Variants in WDR7 observed in about 807,000 individuals in gnomAD.
The protein encoded by WDR7 is WD repeat-containing protein 7.
A neutral mutation model predicts 169.4 loss-of-function variants in WDR7; 46 were observed. The ratio of observed to expected loss-of-function variants is 0.27; its 90% CI spans 0.21 to 0.35. The LOEUF (loss-of-function observed/expected upper bound fraction) is 0.35, where lower values mean the gene tolerates loss of function less well. Ranked by LOEUF, WDR7 falls within the 10% of genes least tolerant of loss-of-function variation. WDR7 has a pLI of 1.00. For synonymous variants in WDR7, 612 were observed against 666.8 expected (o/e 0.92, Z 1.27); for missense variants, 1,534 against 1,859.3 (o/e 0.83, Z 3.22).
chr18:56,768,235 C>T (rs376072605), intron 16 of WDR7, among the ~76,000 whole-genome samples: 102 of 152,114 alleles, frequency 6.7e-4, no homozygotes, highest in East Asian at 1.7e-3. Context: ...GCAGTGAAGG[C>T]GGCTTTGAAA....
chr18:57,036,164 TTTCCCCCA>T, the WDR7 span: 1 of 152,290 alleles, frequency 6.6e-6, no homozygotes, highest in Non-Finnish European at 1.5e-5. Flanking sequence ...TTCTGTTATG[TTTCCCCCA>T]GAATCCTGGA....
intron 12 of WDR7, among the ~76,000 whole-genome samples, chr18:56,707,933 A>G (rs1456895470): frequency 6.6e-6 from 1 of 152,136 alleles, no homozygotes; most frequent in African/African-American, 2.4e-5. Flanking sequence ...AGTTAGAAAA[A>G]TGAGGACAGT....
At chr18:57,022,378 T>C (rs1205882152) in intron 27 of WDR7, among the ~76,000 whole-genome samples, 1 of 152,242 alleles carries the variant, frequency 6.6e-6, no homozygotes, top group African/African-American at 2.4e-5. Flanking sequence ...TTATTGGATG[T>C]CTGAGTGGTA....
intron 21 of WDR7, among the ~76,000 whole-genome samples, chr18:56,912,783 C>T (rs999550297): frequency 6.6e-6 from 1 of 152,282 alleles, no homozygotes; most frequent in Admixed American, 6.5e-5. Context: ...GCTTTTCAAC[C>T]TGTAAAAGTT....
intron 20 of WDR7, among the ~76,000 whole-genome samples, chr18:56,862,460 A>C (rs2045821033): frequency 6.6e-6 from 1 of 151,512 alleles, no homozygotes; most frequent in Admixed American, 6.6e-5. Flanking sequence ...CATTTTAAGA[A>C]ATTTTTCTTA....
chr18:56,929,844 A>G (rs2046856554), intron 22 of WDR7, among the ~76,000 whole-genome samples: 2 of 152,202 alleles, frequency 1.3e-5, no homozygotes, highest in African/African-American at 4.8e-5. Context: ...TGCATTCATA[A>G]TTTTGTTAGA....
chr18:56,685,410 A>G (rs2025424246), intron 5 of WDR7, among the ~76,000 whole-genome samples: 1 of 152,170 alleles, frequency 6.6e-6, no homozygotes, highest in South Asian at 2.1e-4. Context: ...ACTGCTTTCC[A>G]ATGCTCATCC....
intron 14 of WDR7, among the ~76,000 whole-genome samples, chr18:56,739,463 A>T (rs1340416130): frequency 6.6e-6 from 1 of 152,086 alleles, no homozygotes; most frequent in African/African-American, 2.4e-5. Context: ...ATATACTTTA[A>T]ATTCCACTAG....
chr18:56,905,568 C>A (rs899700078), intron 21 of WDR7, among the ~76,000 whole-genome samples: 2 of 151,608 alleles, frequency 1.3e-5, no homozygotes, highest in Admixed American at 6.6e-5. Context: ...CAAGGAAAAT[C>A]TTTTATATTT....
chr18:56,773,020 G>A (rs997100525), intron 16 of WDR7, among the ~76,000 whole-genome samples: 3 of 152,104 alleles, frequency 2.0e-5, no homozygotes, highest in African/African-American at 4.8e-5. Flanking sequence ...ACTGTTTGAC[G>A]TATTAAAACT....
At chr18:56,656,249 C>T (rs575706200) in intron 1 of WDR7, among the ~76,000 whole-genome samples, 4 of 150,046 alleles carry the variant, frequency 2.7e-5, no homozygotes, top group Admixed American at 6.6e-5. Flanking sequence ...TTCTTTGCAT[C>T]GTCTTCCACT....
intron 20 of WDR7, among the ~76,000 whole-genome samples, chr18:56,817,356 A>G (rs1205248660): frequency 1.3e-5 from 2 of 151,940 alleles, no homozygotes; most frequent in Non-Finnish European, 2.9e-5. Flanking sequence ...AAAAAAAAAA[A>G]AAAGAAAAAT....
At chr18:56,855,251 T>C (rs183186423) in intron 20 of WDR7, among the ~76,000 whole-genome samples, 79 of 151,898 alleles carry the variant, frequency 5.2e-4, no homozygotes, top group Non-Finnish European at 1.1e-3. Context: ...TTTCCCCCCA[T>C]TGGATGGTCT....
At chr18:56,867,710 T>C (rs2045901582) in intron 20 of WDR7, among the ~76,000 whole-genome samples, 1 of 152,194 alleles carries the variant, frequency 6.6e-6, no homozygotes, top group Non-Finnish European at 1.5e-5. Context: ...TCAGGAGTAG[T>C]AGCATTTCCA....
chr18:57,022,087 T>C (rs9958553), intron 27 of WDR7, among the ~76,000 whole-genome samples: 48,867 of 152,112 alleles, frequency 0.32, 8,248 homozygotes, highest in Middle Eastern at 0.38. Context: ...ATCAGAGATC[T>C]CACCCAGCCC....
At position 56,694,613 on chromosome 18, in the gene WDR7, TGGCAG is replaced by T. The variant is rs1484226287; in HGVS notation, c.967-5_967-1del. The T allele has an allele frequency of 1.2e-6, 2 of 1,602,902 alleles. No homozygotes were observed. Among genetic ancestry groups the T allele is most frequent in the Admixed American group, 1.7e-5 (1 of 59,030 alleles). On this transcript the variant is annotated splice_acceptor_variant and splice_polypyrimidine_tract_variant and intron_variant, in intron 9 of 27. Coordinates refer to ENST00000254442, the MANE Select transcript of WDR7 (RefSeq NM_015285.3). LOFTEE classifies it high-confidence loss of function. ...GCTAAAGATATTCAAATACTTTTTT[TGGCAG>T]TTGCTAATTTGTCCTCCTGTTACTC...
chr18:56,926,345 C>T (rs1253668237), intron 22 of WDR7, among the ~76,000 whole-genome samples: 1 of 152,186 alleles, frequency 6.6e-6, no homozygotes, highest in East Asian at 1.9e-4. Context: ...TGCAGCTCTC[C>T]TGGTTTGTCT....
chr18:56,941,410 A>G (rs963566836), intron 25 of WDR7, among the ~76,000 whole-genome samples: 2 of 152,166 alleles, frequency 1.3e-5, no homozygotes, highest in African/African-American at 4.8e-5. Context: ...TGGATTCTGG[A>G]AGCTTCACAG....
At chr18:56,683,376 C>T (rs1198713159) in intron 5 of WDR7, among the ~76,000 whole-genome samples, 1 of 152,254 alleles carries the variant, frequency 6.6e-6, no homozygotes, top group East Asian at 1.9e-4. Flanking sequence ...TTAATAACAA[C>T]CATAAAAGCA....
Sources: allele counts gnomAD v4.1 joint callset (sites outside exome capture counted in the v4.1 genomes callset), GRCh38; gene constraint gnomAD v4.1.1; transcripts MANE v1.5; gene names NCBI Gene and HGNC (gene_info 2026-07-23, HGNC 2026-07-21).